Variants in NCKAP5 observed in about 807,000 individuals in gnomAD.
NCKAP5 encodes the protein NCK associated protein 5, also known as nck-associated protein 5.
NCKAP5 carries 92 observed loss-of-function variants against 167.0 expected under a neutral mutation model. The ratio of observed to expected loss-of-function variants is 0.55; its 90% CI spans 0.47 to 0.66. The LOEUF is 0.66. Ranked by LOEUF, NCKAP5 falls within the 30% of genes least tolerant of loss-of-function variation. The pLI is 0.00. For synonymous variants in NCKAP5, 891 were observed against 877.4 expected (o/e 1.02, Z -0.27); for missense variants, 2,378 against 2,315.0 (o/e 1.03, Z -0.56).
intron 3 of NCKAP5, among the ~76,000 whole-genome samples, chr2:133,507,155 C>A (rs1374339343): frequency 5.3e-5 from 8 of 152,182 alleles, no homozygotes; most frequent in African/African-American, 4.8e-5. Flanking sequence ...TCACTCTCAG[C>A]GTTCACCAAC....
At chr2:132,779,284 C>A (rs1193802281) in intron 15 of NCKAP5, among the ~76,000 whole-genome samples, 1 of 152,098 alleles carries the variant, frequency 6.6e-6, no homozygotes, top group Non-Finnish European at 1.5e-5. Flanking sequence ...AACATAAAGT[C>A]TTTTTGTTTT....
chr2:132,834,623 G>T (rs545386735), intron 11 of NCKAP5, among the ~76,000 whole-genome samples: 22 of 152,268 alleles, frequency 1.4e-4, no homozygotes, highest in Admixed American at 9.8e-4. Context: ...GGGATTACAG[G>T]CGTGAGCCAC....
intron 2 of NCKAP5, among the ~76,000 whole-genome samples, chr2:133,551,275 C>G (rs1404933252): frequency 1.3e-5 from 2 of 150,512 alleles, no homozygotes; most frequent in Non-Finnish European, 3.0e-5. Flanking sequence ...AAAAAGAGCC[C>G]GCATCACCAA....
At chr2:133,567,700 T>TGTGTGTGTG (rs1553444010) in intron 1 of NCKAP5, among the ~76,000 whole-genome samples, 3 of 137,268 alleles carry the variant, frequency 2.2e-5, no homozygotes, top group Non-Finnish European at 3.1e-5. Flanking sequence ...TGTGTGTGTG[T>TGTGTGTGTG]TTGGGGAGAG....
the NCKAP5 span, among the ~76,000 whole-genome samples, chr2:133,662,363 T>C: frequency 6.6e-6 from 1 of 151,938 alleles, no homozygotes; most frequent in Non-Finnish European, 1.5e-5. Flanking sequence ...AGTGTGTATA[T>C]GGCCTTTCTC....
intron 6 of NCKAP5, among the ~76,000 whole-genome samples, chr2:133,059,628 A>G (rs1415078091): frequency 1.3e-5 from 2 of 151,990 alleles, no homozygotes; most frequent in South Asian, 2.1e-4. Context: ...AGCTGCAATC[A>G]TGCCATTGCC....
At chr2:133,456,277 C>T (rs1338446406) in intron 3 of NCKAP5, among the ~76,000 whole-genome samples, 1 of 152,146 alleles carries the variant, frequency 6.6e-6, no homozygotes, top group Non-Finnish European at 1.5e-5. Context: ...AAAGGAGTAG[C>T]AATTATGATG....
intron 2 of NCKAP5, among the ~76,000 whole-genome samples, chr2:133,521,921 G>C (rs1684510279): frequency 6.6e-6 from 1 of 152,070 alleles, no homozygotes; most frequent in African/African-American, 2.4e-5. Context: ...CCGAGTAGTG[G>C]GGCTTATGGT....
At chr2:133,591,916 C>G in the NCKAP5 span, among the ~76,000 whole-genome samples, 1 of 152,192 alleles carries the variant, frequency 6.6e-6, no homozygotes, top group African/African-American at 2.4e-5. Context: ...AGTTAAAATT[C>G]TGTTCATTCT....
intron 2 of NCKAP5, among the ~76,000 whole-genome samples, chr2:133,527,349 G>A (rs1018184164): frequency 6.6e-6 from 1 of 152,180 alleles, no homozygotes; most frequent in Non-Finnish European, 1.5e-5. Context: ...CTCAGGAAAT[G>A]AGTGCAGTAC....
At chr2:132,821,389 C>CT in intron 11 of NCKAP5, among the ~76,000 whole-genome samples, 1 of 150,506 alleles carries the variant, frequency 6.6e-6, no homozygotes, top group Non-Finnish European at 1.5e-5. Flanking sequence ...CTCCCAGCTT[C>CT]TAGCTTAAGC....
chr2:132,790,065 G>GC lies in NCKAP5; in HGVS notation c.1049dup (p.Ser351LeufsTer22). 1.2e-6 allele frequency: 2 copies of GC among 1,613,316 alleles called. No homozygotes were observed. Among genetic ancestry groups the GC allele is most frequent in the Non-Finnish European group, 8.5e-7 (1 of 1,179,556 alleles). On this transcript the variant is annotated frameshift_variant, in exon 13 of 20. Coordinates refer to ENST00000409261, the MANE Select transcript of NCKAP5 (RefSeq NM_207363.3). LOFTEE classifies it high-confidence loss of function. ...TCCCATCGTGCCACGTGTAGGAGGAGCCACTGGAGTACTCGCTGCAGGTGC... is the reference window on the plus strand; with the variant it reads ...TCCCATCGTGCCACGTGTAGGAGGAGCCCACTGGAGTACTCGCTGCAGGTGC...
chr2:132,723,570 AAAGAG>A (rs962061052), intron 19 of NCKAP5, among the ~76,000 whole-genome samples: 115 of 152,342 alleles, frequency 7.5e-4, no homozygotes, highest in African/African-American at 2.7e-3. Flanking sequence ...ATTTCAAATA[AAAGAG>A]AAAAGAAGGA....
chr2:133,502,860 G>A (rs142670923), intron 3 of NCKAP5, among the ~76,000 whole-genome samples: 2 of 152,374 alleles, frequency 1.3e-5, no homozygotes, highest in East Asian at 3.9e-4. Flanking sequence ...TGAGTGGCAA[G>A]CTTCCAAGTG....
intron 8 of NCKAP5, among the ~76,000 whole-genome samples, chr2:132,921,494 T>C (rs888667908): frequency 2.0e-5 from 3 of 152,184 alleles, no homozygotes; most frequent in Non-Finnish European, 4.4e-5. Context: ...ACCAGAAATA[T>C]GCAGGTGGAT....
At chr2:133,478,766 T>G (rs1337601580) in intron 3 of NCKAP5, among the ~76,000 whole-genome samples, 1 of 131,070 alleles carries the variant, frequency 7.6e-6, no homozygotes, top group African/African-American at 2.7e-5. Context: ...AGCCAGAGTC[T>G]TAAACCCAAA....
chr2:133,232,402 C>A (rs1348964482), intron 4 of NCKAP5, among the ~76,000 whole-genome samples: 3 of 152,120 alleles, frequency 2.0e-5, no homozygotes, highest in African/African-American at 7.2e-5. Flanking sequence ...TGGAGAAGGG[C>A]TCAAGCCATT....
At position 133,552,420 on chromosome 2, in the gene NCKAP5, A is replaced by C. The variant is rs559181631; in HGVS notation, c.-62+6630T>G. 5.5e-5 allele frequency among the ~76,000 whole-genome samples: 8 copies of C among 145,184 alleles called. No individual in the cohort carries two copies. In the South Asian group the frequency reaches 9.5e-4, roughly 17 times the overall value. On this transcript the variant is annotated intron_variant, in intron 2 of 19. Transcript: ENST00000409261. ...CCATGGAATACTATGCAGCCATAAA[A>C]AATGATGAGTTCGTGTCCTTTGTAG...
intron 8 of NCKAP5, among the ~76,000 whole-genome samples, chr2:132,935,061 A>AG (rs1696736608): frequency 6.6e-6 from 1 of 152,224 alleles, no homozygotes; most frequent in Non-Finnish European, 1.5e-5. Flanking sequence ...GGTTCAGGGA[A>AG]GAGTATTTAA....
Sources: gnomAD v4.1 joint callset for allele counts (sites outside exome capture counted in the v4.1 genomes callset) on GRCh38, gnomAD v4.1.1 for gene constraint, MANE v1.5 for transcripts, NCBI Gene and HGNC (gene_info 2026-07-23, HGNC 2026-07-21) for gene names.